C1orf141: variants seen among roughly 807,000 people sequenced by gnomAD.
C1orf141 encodes chromosome 1 open reading frame 141, also known as uncharacterized protein C1orf141.
C1orf141 carries 19 observed loss-of-function variants against 23.2 expected under a neutral mutation model. The ratio of observed to expected loss-of-function variants is 0.82; its 90% CI spans 0.57 to 1.20. C1orf141 has a LOEUF of 1.20. C1orf141 is among the 50% of genes most tolerant of loss of function. C1orf141 has a pLI of 0.00. For missense variants in C1orf141, 469 were observed against 455.1 expected, an observed-to-expected ratio of 1.03 and a Z score of -0.28; for synonymous variants, 153 against 154.6, an observed-to-expected ratio of 0.99 and a Z score of 0.08.
chr1:67,103,392 A>G, intron 5 of C1orf141: 1 of 1,353,568 alleles, frequency 7.4e-7, no homozygotes, highest in Admixed American at 2.9e-5. Context: ...TCTAAACATC[A>G]GGAAAAATGG....
chr1:67,094,152 T>C (rs1289714574), intron 7 of C1orf141: 2 of 152,210 alleles, frequency 1.3e-5, no homozygotes, highest in African/African-American at 4.8e-5. Context: ...TCAATATATA[T>C]TTGTGGAATA....
At chr1:67,133,350 G>A (rs1232095073) in intron 1 of C1orf141, among the ~76,000 whole-genome samples, 1 of 152,128 alleles carries the variant, frequency 6.6e-6, no homozygotes, top group African/African-American at 2.4e-5. Context: ...TGAGGACGAG[G>A]CCACTTCTTA....
chr1:67,120,486 TC>T (rs1331054060), intron 4 of C1orf141, among the ~76,000 whole-genome samples: 1 of 151,990 alleles, frequency 6.6e-6, no homozygotes, highest in Non-Finnish European at 1.5e-5. Context: ...AATATTTGCA[TC>T]CCCCCCTTCA....
chr1:67,137,047 A>T (rs1209227729), upstream of C1orf141, among the ~76,000 whole-genome samples: 1 of 152,234 alleles, frequency 6.6e-6, no homozygotes, highest in Non-Finnish European at 1.5e-5. Flanking sequence ...TACTATAAGA[A>T]AACAAAGAAA....
chr1:67,125,743 G>C lies in C1orf141; in HGVS notation c.233+9C>G, dbSNP rs773190248. ...TGAACTGAAAATTTAAGGTGGTTAT[G>C]ATAGTTACATTTTTGATTTTGTAAT... On this transcript the variant is annotated intron_variant, in intron 4 of 7. Transcript: ENST00000684719. 2.5e-6 allele frequency: 4 copies of C among 1,611,546 alleles called. No individual in the cohort carries two copies. Among genetic ancestry groups the C allele is most frequent in the Non-Finnish European group, 3.4e-6 (4 of 1,177,882 alleles).
At chr1:67,106,904 A>G (rs1645940203) in intron 5 of C1orf141, among the ~76,000 whole-genome samples, 2 of 152,218 alleles carry the variant, frequency 1.3e-5, no homozygotes, top group South Asian at 4.1e-4. Flanking sequence ...ATTACTTAAT[A>G]TGAAAAAATA....
At position 67,093,139 on chromosome 1, in the gene C1orf141, T is replaced by C; in HGVS notation, c.1069A>G (p.Thr357Ala). 6.2e-7 allele frequency: 1 copy of C among 1,613,994 alleles called. No individual in the cohort carries two copies. The highest frequency in any genetic ancestry group is 8.5e-7 in the Non-Finnish European group (1 of 1,179,876). Residue 357 changes from threonine (T) to alanine (A), a missense_variant, in exon 8 of 8, where the codon ACG becomes GCG. Transcript: ENST00000684719. Reference sequence around the variant, plus strand: ...AAGGCACTGGATGTGGGTATGCTCGTTGGTTTTCCTGCAGAAAACATTCTT... The same window carrying C: ...AAGGCACTGGATGTGGGTATGCTCGCTGGTTTTCCTGCAGAAAACATTCTT... ...FERMFSAGKPTSIPTSSALPV... is the reference protein window; with the variant it reads ...FERMFSAGKPASIPTSSALPV...
intron 5 of C1orf141, chr1:67,103,345 T>C: frequency 1.4e-6 from 2 of 1,473,866 alleles, no homozygotes; most frequent in South Asian, 1.4e-5. Flanking sequence ...TTGTCTATGC[T>C]GTGAATATAG....
At chr1:67,103,363 AAAGGCCCT>A (rs1558188743) in intron 5 of C1orf141, 1 of 1,412,184 alleles carries the variant, frequency 7.1e-7, no homozygotes, top group African/African-American at 1.4e-5. Flanking sequence ...TAGAACATTC[AAAGGCCCT>A]GCATTTTCCA....
chr1:67,104,916 G>C lies in C1orf141; in HGVS notation c.347-8595C>G, dbSNP rs561297867. Among the ~76,000 whole-genome samples, 99 of 152,194 alleles carry C rather than the reference G, an allele frequency of 6.5e-4. 1 individual carries two copies. Among genetic ancestry groups the C allele is most frequent in the African/African-American group, 2.3e-3 (94 of 41,510 alleles). On this transcript the variant is annotated intron_variant, in intron 5 of 7. Coordinates refer to ENST00000684719, the MANE Select transcript of C1orf141 (RefSeq NM_001276351.2). ...AACTCATTACCCATAGGTCAAAAAG[G>C]ATTAAAATGTTGTAATTATTTTAAC...
chr1:67,107,354 A>G (rs1486228749), intron 5 of C1orf141, among the ~76,000 whole-genome samples: 2 of 152,202 alleles, frequency 1.3e-5, no homozygotes, highest in Non-Finnish European at 1.5e-5. Context: ...GGGGCAAACA[A>G]AAAAGAATAA....
chr1:67,140,012 C>A (rs1206339624), intron 1 of C1orf141, among the ~76,000 whole-genome samples: 1 of 152,122 alleles, frequency 6.6e-6, no homozygotes, highest in Non-Finnish European at 1.5e-5. Context: ...CATGTGATGC[C>A]CTGTGCCACC....
chr1:67,132,477 C>T (rs11802227), intron 1 of C1orf141, among the ~76,000 whole-genome samples: 3,382 of 151,796 alleles, frequency 0.022, 140 homozygotes, highest in African/African-American at 0.078. Flanking sequence ...GAGGTGTGAT[C>T]GTGCCACTGC....
At chr1:67,129,431 C>T (rs535285701) in intron 2 of C1orf141, among the ~76,000 whole-genome samples, 1 of 152,108 alleles carries the variant, frequency 6.6e-6, no homozygotes, top group Non-Finnish European at 1.5e-5. Context: ...TGCTTCTGCA[C>T]CCCGGCTTGG....
At chr1:67,126,962 T>C (rs1335234193) in intron 3 of C1orf141, among the ~76,000 whole-genome samples, 1 of 152,236 alleles carries the variant, frequency 6.6e-6, no homozygotes, top group Non-Finnish European at 1.5e-5. Context: ...AAGCCCTTCA[T>C]GGGATGATTC....
chr1:67,134,799 G>A (rs1261018756), intron 1 of C1orf141, 131 bp downstream of exon 1: 1 of 152,374 alleles, frequency 6.6e-6, no homozygotes, highest in African/African-American at 2.4e-5. Flanking sequence ...AGGCCCCGCT[G>A]GAGAACGTCC....
chr1:67,109,393 C>T (rs1433025631), intron 5 of C1orf141, among the ~76,000 whole-genome samples: 1 of 142,686 alleles, frequency 7.0e-6, no homozygotes, highest in Non-Finnish European at 1.5e-5. Flanking sequence ...ATCTGAGGAA[C>T]TGAGCAAAGG....
Position 67,093,456 on chromosome 1 carries a change from C to G in C1orf141, c.752G>C (p.Cys251Ser). The G allele has an allele frequency of 6.2e-7, 1 of 1,610,664 alleles. No homozygotes were observed. The highest frequency in any genetic ancestry group is 1.7e-4 in the Middle Eastern group (1 of 6,050). ...GCCAATTATAGATTTGAGGATTTCA[C>G]AATTTCTTTCTAAAATGAAATTTGT... ...KRTNFILERN[C>S]EILKSIIGNQ... Residue 251 changes from cysteine (C) to serine (S), a missense_variant, in exon 8 of 8, where the codon TGT (cysteine) becomes TCT (serine). Coordinates refer to ENST00000684719, the MANE Select transcript of C1orf141 (RefSeq NM_001276351.2).
chr1:67,096,053 C>T (rs1031802943), intron 6 of C1orf141, 199 bp downstream of exon 6: 2 of 368,894 alleles, frequency 5.4e-6, no homozygotes, highest in African/African-American at 2.1e-5. Context: ...TTCATTTTTC[C>T]ATGCCTTTCT....
Sources: gnomAD v4.1 joint callset for allele counts (sites outside exome capture counted in the v4.1 genomes callset) on GRCh38, gnomAD v4.1.1 for gene constraint, MANE v1.5 for transcripts, NCBI Gene and HGNC (gene_info 2026-07-23, HGNC 2026-07-21) for gene names.